SEC31A: variants seen among roughly 807,000 people sequenced by gnomAD.
SEC31A encodes SEC31 homolog A, COPII component, also known as protein transport protein Sec31A.
Under a neutral mutation model 151.0 loss-of-function variants are expected in SEC31A, and 70 were observed. The ratio of observed to expected loss-of-function variants is 0.46; its 90% CI spans 0.38 to 0.57. The LOEUF is 0.57. Among genes scored for constraint, SEC31A ranks in the 20% least tolerant of loss-of-function variants. The pLI, the probability that SEC31A is intolerant of heterozygous loss-of-function variation, is 0.00. For missense variants in SEC31A, 1,330 were observed against 1,471.2 expected, an observed-to-expected ratio of 0.90 and a Z score of 1.57; for synonymous variants, 475 against 505.9, an observed-to-expected ratio of 0.94 and a Z score of 0.82.
chr4:82,884,057 G>A (rs192863994), intron 1 of SEC31A, among the ~76,000 whole-genome samples: 80 of 143,826 alleles, frequency 5.6e-4, no homozygotes, highest in East Asian at 1.5e-3. Context: ...GGGCGATCTC[G>A]GCTCACTGCA....
intron 14 of SEC31A, among the ~76,000 whole-genome samples, chr4:82,860,388 A>G (rs541954106): frequency 6.6e-6 from 1 of 152,338 alleles, no homozygotes; most frequent in South Asian, 2.1e-4. Context: ...ATGATCTTCT[A>G]TTTGATAATA....
intron 14 of SEC31A, among the ~76,000 whole-genome samples, chr4:82,860,515 A>G (rs1733876276): frequency 6.6e-6 from 1 of 152,134 alleles, no homozygotes; most frequent in African/African-American, 2.4e-5. Context: ...TTGCTCTGTC[A>G]CCCAGGCTGG....
chr4:82,891,234 G>T (rs529481038), upstream of SEC31A: 564 of 1,453,346 alleles, frequency 3.9e-4, 1 homozygote, highest in South Asian at 3.0e-3. Context: ...CACGCCCTGC[G>T]CCCAACACTT....
At chr4:82,860,235 T>C (rs983994897) in intron 14 of SEC31A, among the ~76,000 whole-genome samples, 2 of 152,214 alleles carry the variant, frequency 1.3e-5, no homozygotes, top group Non-Finnish European at 2.9e-5. Context: ...TAAGCTACTA[T>C]GAAACAAATA....
chr4:82,866,580 G>C (rs574320103), intron 10 of SEC31A, among the ~76,000 whole-genome samples: 2 of 152,052 alleles, frequency 1.3e-5, no homozygotes, highest in African/African-American at 4.8e-5. Flanking sequence ...ATTTAAAAAT[G>C]AACAAAATGA....
chr4:82,882,056 A>G, intron 1 of SEC31A, 116 bp from the exon 2 acceptor site: 1 of 756,044 alleles, frequency 1.3e-6, no homozygotes, highest in Non-Finnish European at 2.3e-6. Context: ...AGTAATGCCC[A>G]ACTGCAAATA....
chr4:82,823,059 A>G (rs1396452400), intron 25 of SEC31A, among the ~76,000 whole-genome samples: 1 of 152,218 alleles, frequency 6.6e-6, no homozygotes, highest in Non-Finnish European at 1.5e-5. Flanking sequence ...GACAGGCAGG[A>G]TATTAGAACT....
At chr4:82,885,490 C>G (rs779774438) in intron 1 of SEC31A, among the ~76,000 whole-genome samples, 2 of 152,090 alleles carry the variant, frequency 1.3e-5, no homozygotes, top group Non-Finnish European at 2.9e-5. Context: ...TTTCTTTACA[C>G]AGAAACTATT....
Position 82,842,330 on chromosome 4 carries a change from G to GT in SEC31A, c.2777dup (p.Tyr926Ter). 1 of 1,613,432 alleles carries GT rather than the reference G, an allele frequency of 6.2e-7. No homozygotes were observed. Among genetic ancestry groups the GT allele is most frequent in the Non-Finnish European group, 8.5e-7 (1 of 1,179,678 alleles). Reference sequence around the variant, plus strand: ...GTGAAGAGGCCTGGTGCTGTGCTGCGTACAGCTGAGACTGCCCAGTATAGG... The same window carrying GT: ...GTGAAGAGGCCTGGTGCTGTGCTGCGTTACAGCTGAGACTGCCCAGTATAGG... ...ASSYTGQSQL[Y>*]AAQHQASSPT... Residue 926 changes from tyrosine to a stop codon, truncating the protein, a stop_gained and frameshift_variant, in exon 22 of 27, where the codon TAC (tyrosine) becomes TAAC (stop). Transcript: ENST00000395310. LOFTEE classifies it high-confidence loss of function.
chr4:82,849,729 TTTTGAAATAA>T, intron 19 of SEC31A, among the ~76,000 whole-genome samples: 1 of 149,646 alleles, frequency 6.7e-6, no homozygotes, highest in East Asian at 2.0e-4. Context: ...TAAAAGAGAT[TTTTGAAATAA>T]AGATTAAGAT....
chr4:82,842,169 G>GC lies in SEC31A; in HGVS notation c.2938dup (p.Ala980GlyfsTer3), dbSNP rs1560602746. 1 of 1,574,004 alleles carries GC rather than the reference G, an allele frequency of 6.4e-7. No homozygotes were observed. The highest frequency in any genetic ancestry group is 1.8e-5 in the Admixed American group (1 of 56,050). On this transcript the variant is annotated frameshift_variant, in exon 22 of 27. Coordinates refer to ENST00000395310, the MANE Select transcript of SEC31A (RefSeq NM_001077207.4). LOFTEE classifies it high-confidence loss of function. ...TCTTTGGGACGCAGGCAGCTCACTG[G>GC]CAGCAGGCAGTGTACCTGTTGTTCC...
At position 82,832,151 on chromosome 4, in the gene SEC31A, C is replaced by T. The variant is rs111985395; in HGVS notation, c.2969-3093G>A. Among the ~76,000 whole-genome samples the T allele has an allele frequency of 7.3e-3, 1,115 of 152,260 alleles. 15 individuals are homozygous for T. Among genetic ancestry groups the T allele is most frequent in the Middle Eastern group, 0.01 (3 of 294 alleles). ...CTGGAGGCATCATGCTACTTGATTT[C>T]AAACATTACTACAAGGCTACAGTAA... is the stretch of plus-strand genomic sequence containing the variant. On this transcript the variant is annotated intron_variant, in intron 22 of 26. Coordinates refer to ENST00000395310, the MANE Select transcript of SEC31A (RefSeq NM_001077207.4).
At chr4:82,862,619 G>A in intron 12 of SEC31A, 47 bp from the exon 13 acceptor site, 1 of 1,538,624 alleles carries the variant, frequency 6.5e-7, no homozygotes. Flanking sequence ...TTCTATTTCA[G>A]AGCATCCAGC....
At chr4:82,856,428 C>T (rs1164503910) in intron 16 of SEC31A, among the ~76,000 whole-genome samples, 13 of 151,226 alleles carry the variant, frequency 8.6e-5, no homozygotes, top group African/African-American at 1.7e-4. Context: ...AGATCACAGG[C>T]GTGAGCCACT....
intron 22 of SEC31A, chr4:82,830,797 A>C: frequency 4.6e-6 from 1 of 217,230 alleles, no homozygotes; most frequent in Non-Finnish European, 8.8e-6. Flanking sequence ...TCAATTAAGA[A>C]GCCAAATAAA....
intron 10 of SEC31A, 132 bp downstream of exon 10, chr4:82,866,676 G>T: frequency 1.3e-6 from 1 of 774,444 alleles, no homozygotes; most frequent in Non-Finnish European, 1.9e-6. Context: ...CATTTTGAAT[G>T]ATGAAATACC....
intron 15 of SEC31A, 27 bp downstream of exon 15, chr4:82,857,662 T>C (rs756858437): frequency 7.1e-7 from 1 of 1,414,996 alleles, no homozygotes; most frequent in South Asian, 1.2e-5. Context: ...TAAAAAAAAT[T>C]AGAAATCAAA....
intron 8 of SEC31A, among the ~76,000 whole-genome samples, chr4:82,869,670 T>C (rs993090495): frequency 1.3e-5 from 2 of 152,158 alleles, no homozygotes; most frequent in Non-Finnish European, 2.9e-5. Flanking sequence ...TTTTTTCTCT[T>C]GTCTCCCCTA....
At chr4:82,845,473 AAACAAC>A (rs576613607) in intron 20 of SEC31A, among the ~76,000 whole-genome samples, 1 of 152,122 alleles carries the variant, frequency 6.6e-6, no homozygotes, top group Non-Finnish European at 1.5e-5. Context: ...AAACAAAACA[AAACAAC>A]AACAACAAAA....
Sources: allele counts gnomAD v4.1 joint callset (sites outside exome capture counted in the v4.1 genomes callset), GRCh38; gene constraint gnomAD v4.1.1; transcripts MANE v1.5; gene names NCBI Gene and HGNC (gene_info 2026-07-23, HGNC 2026-07-21).